The following ELMO1 variants were observed in gnomAD, a reference collection of about 807,000 sequenced individuals.
ELMO1 encodes the protein engulfment and cell motility protein 1.
Under a neutral mutation model 98.9 loss-of-function variants are expected in ELMO1, and 26 were observed. The observed-to-expected ratio is 0.26, with a 90% CI of 0.19 to 0.36. The LOEUF (loss-of-function observed/expected upper bound fraction) is 0.36, where lower values mean the gene tolerates loss of function less well. ELMO1 is among the 10% of genes least tolerant of loss of function. The probability of loss-of-function intolerance (pLI) is 1.00; values close to 1 mark genes in which losing one functional copy is unlikely to be tolerated. For synonymous variants in ELMO1, 346 were observed against 346.0 expected (o/e 1.00, Z 0.00); for missense variants, 627 against 935.2 (o/e 0.67, Z 4.30).
At chr7:37,198,579 C>T (rs1298654480) in intron 13 of ELMO1, among the ~76,000 whole-genome samples, 1 of 152,232 alleles carries the variant, frequency 6.6e-6, no homozygotes, top group Non-Finnish European at 1.5e-5. Flanking sequence ...CAAAACCAGG[C>T]AGTCTGGCAC....
At chr7:37,434,316 C>T (rs1010340867) in intron 1 of ELMO1, among the ~76,000 whole-genome samples, 1 of 152,116 alleles carries the variant, frequency 6.6e-6, no homozygotes, top group Non-Finnish European at 1.5e-5. Context: ...ACCTGAGAGG[C>T]TGCTAAAAAT....
intron 1 of ELMO1, among the ~76,000 whole-genome samples, chr7:37,364,772 G>A (rs373025281): frequency 2.6e-5 from 4 of 152,076 alleles, no homozygotes; most frequent in South Asian, 2.1e-4. Flanking sequence ...TAAGGATATC[G>A]GCTTTTCTAT....
chr7:37,416,312 C>T (rs888848743), intron 1 of ELMO1, among the ~76,000 whole-genome samples: 2 of 152,128 alleles, frequency 1.3e-5, no homozygotes, highest in Non-Finnish European at 2.9e-5. Context: ...AGGTTTTAAC[C>T]GTATGGAAAA....
At chr7:37,250,425 G>A (rs1795279077) in intron 6 of ELMO1, among the ~76,000 whole-genome samples, 2 of 152,164 alleles carry the variant, frequency 1.3e-5, no homozygotes, top group African/African-American at 2.4e-5. Flanking sequence ...ATAGTCGTCT[G>A]TGGAAAGGCA....
intron 16 of ELMO1, among the ~76,000 whole-genome samples, chr7:36,909,176 A>G (rs1286097002): frequency 1.3e-5 from 2 of 152,264 alleles, no homozygotes; most frequent in Non-Finnish European, 2.9e-5. Context: ...ATGCTATTGC[A>G]CTAAGTTGGT....
chr7:37,379,858 T>C (rs1327446213), intron 1 of ELMO1, among the ~76,000 whole-genome samples: 1 of 152,168 alleles, frequency 6.6e-6, no homozygotes, highest in Non-Finnish European at 1.5e-5. Flanking sequence ...CTGCAGACCT[T>C]AGGCCAGTTT....
chr7:37,178,361 T>C (rs6950594), intron 13 of ELMO1, among the ~76,000 whole-genome samples: 128,695 of 151,180 alleles, frequency 0.85, 55,291 homozygotes, highest in Non-Finnish European at 0.91. Flanking sequence ...ACTGCCCCCA[T>C]GATTCAATTA....
At chr7:36,910,986 C>T (rs1784305000) in intron 16 of ELMO1, among the ~76,000 whole-genome samples, 1 of 152,102 alleles carries the variant, frequency 6.6e-6, no homozygotes, top group African/African-American at 2.4e-5. Flanking sequence ...AAAATGCCTT[C>T]TAAACGAGGG....
At chr7:37,038,702 AGACTAAGT>A (rs1417424757) in intron 15 of ELMO1, among the ~76,000 whole-genome samples, 1 of 152,242 alleles carries the variant, frequency 6.6e-6, no homozygotes, top group Non-Finnish European at 1.5e-5. Flanking sequence ...ACAATACCAT[AGACTAAGT>A]GACTTAAAAA....
At chr7:36,872,911 C>T (rs1803646797) in intron 19 of ELMO1, among the ~76,000 whole-genome samples, 1 of 152,146 alleles carries the variant, frequency 6.6e-6, no homozygotes, top group African/African-American at 2.4e-5. Context: ...CCACAAGCTA[C>T]AATTGGTAAG....
chr7:36,865,153 T>A (rs889268647), intron 20 of ELMO1, among the ~76,000 whole-genome samples: 1 of 152,182 alleles, frequency 6.6e-6, no homozygotes, highest in Non-Finnish European at 1.5e-5. Context: ...CTGCCAATCC[T>A]TACATTGTTT....
At chr7:37,442,096 G>T (rs946397831) in intron 1 of ELMO1, among the ~76,000 whole-genome samples, 2 of 152,176 alleles carry the variant, frequency 1.3e-5, no homozygotes, top group Non-Finnish European at 2.9e-5. Flanking sequence ...GACATCTGGG[G>T]TTGTCACAAA....
At chr7:37,406,354 CA>C (rs1453301600) in intron 1 of ELMO1, among the ~76,000 whole-genome samples, 9 of 151,106 alleles carry the variant, frequency 6.0e-5, no homozygotes, top group Non-Finnish European at 1.0e-4. Context: ...ACTCAGTAGC[CA>C]CAACAATGAG....
At chr7:37,213,025 A>T (rs1201483917) in intron 12 of ELMO1, among the ~76,000 whole-genome samples, 1 of 152,194 alleles carries the variant, frequency 6.6e-6, no homozygotes, top group Non-Finnish European at 1.5e-5. Flanking sequence ...ACTTGACTCC[A>T]AAGCTACTAC....
intron 1 of ELMO1, among the ~76,000 whole-genome samples, chr7:37,379,382 T>A (rs1293065153): frequency 1.3e-5 from 2 of 152,140 alleles, no homozygotes; most frequent in Admixed American, 1.3e-4. Flanking sequence ...GCCACTAAGA[T>A]CTTCCTTGAA....
intron 13 of ELMO1, among the ~76,000 whole-genome samples, chr7:37,156,898 C>T (rs914394048): frequency 4.6e-5 from 7 of 152,178 alleles, no homozygotes; most frequent in Non-Finnish European, 1.0e-4. Flanking sequence ...CCCTGATAAA[C>T]ATCAATGTGA....
intron 16 of ELMO1, among the ~76,000 whole-genome samples, chr7:36,953,842 TGTGTGTGTGTGTGTGTGTGTG>T (rs1788210521): frequency 2.1e-3 from 9 of 4,382 alleles, no homozygotes; most frequent in East Asian, 0.045. Flanking sequence ...GTATGTTTTG[TGTGTGTGTGTGTGTGTGTGTG>T]TGTGTGTGTG....
At chr7:37,222,783 C>A (rs1793666409) in intron 9 of ELMO1, 90 bp from the exon 10 acceptor site, 2 of 1,130,984 alleles carry the variant, frequency 1.8e-6, no homozygotes, top group Non-Finnish European at 2.6e-6. Flanking sequence ...TCAAAATCAG[C>A]CCCCTCCCCC....
intron 6 of ELMO1, among the ~76,000 whole-genome samples, chr7:37,246,640 A>G (rs1397669675): frequency 1.3e-5 from 2 of 152,206 alleles, no homozygotes; most frequent in Non-Finnish European, 2.9e-5. Context: ...ATCTGTAAAA[A>G]ACAAAATCTT....
Sources: allele counts gnomAD v4.1 joint callset (sites outside exome capture counted in the v4.1 genomes callset), GRCh38; gene constraint gnomAD v4.1.1; transcripts MANE v1.5; gene names NCBI Gene and HGNC (gene_info 2026-07-23, HGNC 2026-07-21).